The following ANK3 variants were observed in gnomAD, a reference collection of about 807,000 sequenced individuals.
ANK3 encodes the protein ankyrin-3.
ANK3 carries 57 observed loss-of-function variants against 370.9 expected under a neutral mutation model. That is an observed-to-expected ratio of 0.15 (90% CI 0.12 to 0.19). The LOEUF (loss-of-function observed/expected upper bound fraction) is 0.19. Among genes scored for constraint, ANK3 ranks in the 10% least tolerant of loss-of-function variants. The pLI is 1.00. For missense variants in ANK3, 4,439 were observed against 5,302.1 expected, an observed-to-expected ratio of 0.84 and a Z score of 5.06; for synonymous variants, 1,929 against 1,946.3, an observed-to-expected ratio of 0.99 and a Z score of 0.23.
intron 2 of ANK3, among the ~76,000 whole-genome samples, chr10:60,490,830 G>A (rs1304570856): frequency 6.6e-6 from 1 of 152,124 alleles, no homozygotes; most frequent in Non-Finnish European, 1.5e-5. Flanking sequence ...AAGTGTTCAG[G>A]TTAGTCAGTT....
chr10:60,212,002 G>C (rs1322130870), intron 9 of ANK3, among the ~76,000 whole-genome samples: 1 of 151,074 alleles, frequency 6.6e-6, no homozygotes, highest in East Asian at 1.9e-4. Context: ...TTCTCAGAAA[G>C]GTAACAGAAA....
chr10:60,365,931 AT>A (rs1486343169), intron 1 of ANK3, among the ~76,000 whole-genome samples: 3 of 152,220 alleles, frequency 2.0e-5, no homozygotes, highest in Non-Finnish European at 4.4e-5. Context: ...ATGACAATAA[AT>A]TACCATATAC....
At chr10:60,269,799 C>T (rs1322175496) in intron 5 of ANK3, among the ~76,000 whole-genome samples, 1 of 152,088 alleles carries the variant, frequency 6.6e-6, no homozygotes, top group Non-Finnish European at 1.5e-5. Flanking sequence ...AGATAGTTCA[C>T]ATCAATTACT....
chr10:60,690,481 A>T (rs2079336068), intron 1 of ANK3, among the ~76,000 whole-genome samples: 1 of 152,136 alleles, frequency 6.6e-6, no homozygotes, highest in Non-Finnish European at 1.5e-5. Context: ...AATTTATTGA[A>T]TTTTTTATGA....
chr10:60,423,099 G>A (rs1382637590), intron 2 of ANK3, among the ~76,000 whole-genome samples: 1 of 151,940 alleles, frequency 6.6e-6, no homozygotes, highest in African/African-American at 2.4e-5. Flanking sequence ...AACACCTCCA[G>A]ATAATTTTAA....
chr10:60,576,575 C>T lies in ANK3; in HGVS notation c.96+38611G>A, dbSNP rs377655141. Among the ~76,000 whole-genome samples, 6 of 152,208 alleles carry T rather than the reference C, an allele frequency of 3.9e-5. No homozygotes were observed. In the East Asian group the frequency reaches 1.2e-3, roughly 29 times the overall value. On this transcript the variant is annotated intron_variant, in intron 2 of 43. Coordinates refer to the ANK3 transcript ENST00000373827. ...CTTCCATTGATATTCAGCAGAAATGCCTATATGAATAGGCTAATTTTATTT... is the reference window on the plus strand; with the variant it reads ...CTTCCATTGATATTCAGCAGAAATGTCTATATGAATAGGCTAATTTTATTT...
chr10:60,395,580 CTTTCTT>C (rs2063209466), intron 2 of ANK3, among the ~76,000 whole-genome samples: 1 of 126,118 alleles, frequency 7.9e-6, no homozygotes, highest in East Asian at 2.4e-4. Flanking sequence ...TTCTTTCTTT[CTTTCTT>C]TCTTTCTTTC....
chr10:60,160,099 T>TACTAC (rs1458653190), intron 23 of ANK3, among the ~76,000 whole-genome samples: 2 of 151,980 alleles, frequency 1.3e-5, no homozygotes, highest in East Asian at 3.9e-4. Context: ...ACTAAAAATA[T>TACTAC]ACTACAAAAG....
chr10:60,358,935 A>C (rs1365535196), intron 1 of ANK3, among the ~76,000 whole-genome samples: 1 of 152,116 alleles, frequency 6.6e-6, no homozygotes, highest in Non-Finnish European at 1.5e-5. Context: ...ACCCTAAATA[A>C]ATAAAGCAAC....
chr10:60,636,446 C>A (rs550440867), intron 1 of ANK3, among the ~76,000 whole-genome samples: 1 of 152,162 alleles, frequency 6.6e-6, no homozygotes, highest in African/African-American at 2.4e-5. Flanking sequence ...TTCTTCTCTT[C>A]GTGTGATGGC....
At chr10:60,545,499 C>A (rs1293745453) in intron 2 of ANK3, among the ~76,000 whole-genome samples, 1 of 150,732 alleles carries the variant, frequency 6.6e-6, no homozygotes, top group Non-Finnish European at 1.5e-5. Context: ...TTTGTGCTAG[C>A]AAGTATTATA....
intron 1 of ANK3, among the ~76,000 whole-genome samples, chr10:60,351,936 T>A (rs1221756322): frequency 6.6e-6 from 1 of 151,848 alleles, no homozygotes; most frequent in African/African-American, 2.4e-5. Context: ...AAAAAAAAAA[T>A]ACCACTATAA....
At chr10:60,182,284 G>A (rs1297443589) in intron 17 of ANK3, among the ~76,000 whole-genome samples, 1 of 152,108 alleles carries the variant, frequency 6.6e-6, no homozygotes, top group African/African-American at 2.4e-5. Context: ...GAAATGTAAT[G>A]TGAATGCAAG....
intron 2 of ANK3, among the ~76,000 whole-genome samples, chr10:60,464,286 T>C (rs1311096222): frequency 1.3e-5 from 2 of 152,226 alleles, no homozygotes; most frequent in Admixed American, 6.5e-5. Context: ...CTTCTCATCT[T>C]TACATTTTTA....
At chr10:60,478,677 G>A (rs1187664078) in intron 2 of ANK3, among the ~76,000 whole-genome samples, 1 of 152,092 alleles carries the variant, frequency 6.6e-6, no homozygotes, top group East Asian at 1.9e-4. Context: ...TTCATTGACA[G>A]AACTACTACT....
rs145347532 is a variant in ANK3, at chr10:60,222,462, T to C, written c.898-8952A>G. On this transcript the variant is annotated intron_variant, in intron 8 of 43. Transcript: ENST00000280772. ...GAGGAGGAAAACTAGCAGGCATTTGTTCCACTTCACTCCACTTTTTGGTTA... is the reference window on the plus strand; with the variant it reads ...GAGGAGGAAAACTAGCAGGCATTTGCTCCACTTCACTCCACTTTTTGGTTA... 2.0e-5 allele frequency among the ~76,000 whole-genome samples: 3 copies of C among 152,094 alleles called. No individual in the cohort carries two copies. The East Asian group carries it at 5.8e-4, about 29-fold the overall frequency.
Position 60,085,741 on chromosome 10 carries a change from C to T in ANK3, c.3749-488G>A, listed in dbSNP as rs541671833. Reference sequence around the variant, plus strand: ...AGCGATTCTCCTGCCTCAGCCTCCCCAGTAGCTGGGATTACAGGTGCCTGC... The same window carrying T: ...AGCGATTCTCCTGCCTCAGCCTCCCTAGTAGCTGGGATTACAGGTGCCTGC... On this transcript the variant is annotated intron_variant, in intron 30 of 43. Transcript: ENST00000280772. Among the ~76,000 whole-genome samples the T allele has an allele frequency of 6.9e-4, 104 of 151,822 alleles. 1 individual carries two copies. Among genetic ancestry groups the T allele is most frequent in the Admixed American group, 1.8e-3 (28 of 15,274 alleles).
At chr10:60,342,477 T>C (rs2054486676) in intron 1 of ANK3, among the ~76,000 whole-genome samples, 1 of 152,158 alleles carries the variant, frequency 6.6e-6, no homozygotes, top group Non-Finnish European at 1.5e-5. Flanking sequence ...TTAGGAAACA[T>C]GCATATCACC....
At chr10:60,499,319 G>A (rs1053935616) in intron 2 of ANK3, among the ~76,000 whole-genome samples, 1 of 152,166 alleles carries the variant, frequency 6.6e-6, no homozygotes, top group Non-Finnish European at 1.5e-5. Flanking sequence ...ATATTCAGCT[G>A]CATGTGGGCA....
Sources: gnomAD v4.1 joint callset for allele counts (sites outside exome capture counted in the v4.1 genomes callset) on GRCh38, gnomAD v4.1.1 for gene constraint, MANE v1.5 for transcripts, NCBI Gene and HGNC (gene_info 2026-07-23, HGNC 2026-07-21) for gene names.